The following PCDHGA11 variants were observed in gnomAD, a reference collection of about 807,000 sequenced individuals.
PCDHGA11 encodes the protein protocadherin gamma subfamily A, 11.
A neutral mutation model predicts 60.4 loss-of-function variants in PCDHGA11; 39 were observed. That is an observed-to-expected ratio of 0.65 (90% CI 0.50 to 0.84). The LOEUF (loss-of-function observed/expected upper bound fraction) is 0.84. Ranked by LOEUF, PCDHGA11 falls within the 40% of genes least tolerant of loss-of-function variation. The probability of loss-of-function intolerance (pLI) is 0.00; values close to 1 mark genes in which losing one functional copy is unlikely to be tolerated. For missense variants in PCDHGA11, 1,165 were observed against 1,197.7 expected, an observed-to-expected ratio of 0.97 and a Z score of 0.40; for synonymous variants, 533 against 510.3, an observed-to-expected ratio of 1.04 and a Z score of -0.60.
intron 1 of PCDHGA11, among the ~76,000 whole-genome samples, chr5:141,458,368 A>C (rs934670055): frequency 3.9e-5 from 6 of 152,112 alleles, no homozygotes; most frequent in Admixed American, 3.9e-4. Flanking sequence ...GAAGGAAGGG[A>C]GAAGAGAGAA....
intron 1 of PCDHGA11, chr5:141,468,351 A>G (rs1030472813): frequency 6.7e-6 from 1 of 149,192 alleles, no homozygotes; most frequent in Non-Finnish European, 1.5e-5. Context: ...AAAAAAAAAG[A>G]AAGAAAAAAG....
At chr5:141,448,150 C>T (rs1182411283) in intron 1 of PCDHGA11, among the ~76,000 whole-genome samples, 4 of 151,924 alleles carry the variant, frequency 2.6e-5, no homozygotes, top group Non-Finnish European at 5.9e-5. Flanking sequence ...CTCAGACTCA[C>T]CCCTGAAAGA....
chr5:141,459,557 A>G (rs1052669136), intron 1 of PCDHGA11, among the ~76,000 whole-genome samples: 1 of 152,224 alleles, frequency 6.6e-6, no homozygotes, highest in East Asian at 1.9e-4. Context: ...TCTTGGATAA[A>G]TACCCCAAAA....
chr5:141,433,397 A>ATCTG (rs1179042498), intron 1 of PCDHGA11, among the ~76,000 whole-genome samples: 9 of 150,410 alleles, frequency 6.0e-5, no homozygotes, highest in Non-Finnish European at 1.0e-4. Context: ...CTATCTATCT[A>ATCTG]TCTATCTATT....
intron 1 of PCDHGA11, among the ~76,000 whole-genome samples, chr5:141,472,555 A>T (rs1360460094): frequency 6.6e-6 from 1 of 152,024 alleles, no homozygotes; most frequent in South Asian, 2.1e-4. Flanking sequence ...AAAAAAAATT[A>T]TATTATAAAT....
intron 3 of PCDHGA11, among the ~76,000 whole-genome samples, chr5:141,510,424 C>T (rs2154594619): frequency 6.6e-6 from 1 of 152,236 alleles, no homozygotes; most frequent in South Asian, 2.1e-4. Flanking sequence ...GCCATGGTTT[C>T]ATGGCTGCTG....
Position 141,490,983 on chromosome 5 carries a change from C to T in PCDHGA11, c.2434-3824C>T. ...ACTCAGCCCCCCAGCGTCTCCCTCG[C>T]TCTGCTCCTCCTGGCTCCTTGGTCA... On this transcript the variant is annotated intron_variant, in intron 1 of 3. Transcript: ENST00000398587. The surrounding 1 kb of genome is among the most constrained non-coding windows in gnomAD (Gnocchi z 5.4). 2 of 1,614,120 alleles carry T rather than the reference C, an allele frequency of 1.2e-6. No individual in the cohort carries two copies. Among genetic ancestry groups the T allele is most frequent in the South Asian group, 2.2e-5 (2 of 91,082 alleles).
rs560544401 is a variant in PCDHGA11 at position 141,422,724 on chromosome 5, G to T, written c.1497G>T (p.Gly499=). Residue 499 remains glycine, a synonymous_variant, in exon 1 of 4, where the codon GGG becomes GGT. Coordinates refer to ENST00000398587, the MANE Select transcript of PCDHGA11 (RefSeq NM_018914.3). ...TYSLTDDTVQ[G]VPLSSYVSIN... is the part of the protein sequence containing the mutation. The stretch of plus-strand genomic sequence containing the variant: ...CTCTGACGGATGACACTGTCCAGGG[G>T]GTGCCTCTGTCCTCCTATGTCTCTA... The T allele has an allele frequency of 1.9e-6, 3 of 1,606,016 alleles. No homozygotes were observed. The highest frequency in any genetic ancestry group is 3.3e-5 in the Admixed American group (2 of 59,768).
At chr5:141,448,058 C>G (rs2098560499) in intron 1 of PCDHGA11, among the ~76,000 whole-genome samples, 2 of 151,936 alleles carry the variant, frequency 1.3e-5, no homozygotes, top group Non-Finnish European at 2.9e-5. Flanking sequence ...TGCTCTCCAG[C>G]CTGGGCAACA....
Position 141,476,556 on chromosome 5 carries a change from C to A in PCDHGA11, c.2434-18251C>A. 1 of 1,614,234 alleles carries A rather than the reference C, an allele frequency of 6.2e-7. No homozygotes were observed. Among genetic ancestry groups the A allele is most frequent in the Non-Finnish European group, 8.5e-7 (1 of 1,180,036 alleles). ...GAAATGAAATTGGAGATTAGCGAGG[C>A]CGTGGCTCCGGGGACGCGCTTTCCG... On this transcript the variant is annotated intron_variant, in intron 1 of 3. Coordinates refer to ENST00000398587, the MANE Select transcript of PCDHGA11 (RefSeq NM_018914.3). The surrounding 1 kb of genome is among the most constrained non-coding windows in gnomAD (Gnocchi z 7.6).
chr5:141,431,473 C>T lies in PCDHGA11; in HGVS notation c.2433+7813C>T, dbSNP rs750300971. ...TGATGGTTCTGGATGCGAACGACAA[C>T]GCACCAGCGTTTGCTCAGCCCGAGT... On this transcript the variant is annotated intron_variant, in intron 1 of 3. Coordinates refer to ENST00000398587, the MANE Select transcript of PCDHGA11 (RefSeq NM_018914.3). This position sits in a 1 kb window ranked among gnomAD's most constrained non-coding sequence, Gnocchi z 4.8. 4.3e-6 allele frequency: 7 copies of T among 1,613,832 alleles called. No individual in the cohort carries two copies. The Admixed American group carries it at 1.2e-4, about 27-fold the overall frequency.
Position 141,489,690 on chromosome 5 carries a change from A to T in PCDHGA11, c.2434-5117A>T. The T allele has an allele frequency of 6.2e-7, 1 of 1,614,198 alleles. No individual in the cohort carries two copies. The highest frequency in any genetic ancestry group is 8.5e-7 in the Non-Finnish European group (1 of 1,180,024). ...TCTCAGAATCAGCAGCATCTGGGGC[A>T]CGATTCCCACTGGACAGTGCCCAGG... On this transcript the variant is annotated intron_variant, in intron 1 of 3. Coordinates refer to ENST00000398587, the MANE Select transcript of PCDHGA11 (RefSeq NM_018914.3). The surrounding 1 kb of genome is among the most constrained non-coding windows in gnomAD (Gnocchi z 4.5).
chr5:141,475,977 A>C, intron 1 of PCDHGA11: 1 of 972,828 alleles, frequency 1.0e-6, no homozygotes, highest in Non-Finnish European at 1.5e-6. Flanking sequence ...GAGACTGAAC[A>C]GCCGGCGAGC....
At position 141,491,070 on chromosome 5, in the gene PCDHGA11, G is replaced by T. The variant is rs1405880268; in HGVS notation, c.2434-3737G>T. On this transcript the variant is annotated intron_variant, in intron 1 of 3. Transcript: ENST00000398587. The surrounding 1 kb of genome is among the most constrained non-coding windows in gnomAD (Gnocchi z 6.9). ...ATGCGTGGCTCTCCTACTCACTGTTGCCACAGTCCACAGCCCCAGGACTGT... is the reference window on the plus strand; with the variant it reads ...ATGCGTGGCTCTCCTACTCACTGTTTCCACAGTCCACAGCCCCAGGACTGT... 6.2e-7 allele frequency: 1 copy of T among 1,614,162 alleles called. No homozygotes were observed. Among genetic ancestry groups the T allele is most frequent in the Non-Finnish European group, 8.5e-7 (1 of 1,180,038 alleles).
Position 141,438,902 on chromosome 5 carries a change from G to A in PCDHGA11, c.2433+15242G>A, listed in dbSNP as rs185216039. 2.0e-5 allele frequency among the ~76,000 whole-genome samples: 3 copies of A among 151,906 alleles called. No homozygotes were observed. The East Asian group carries it at 5.8e-4, about 29-fold the overall frequency. On this transcript the variant is annotated intron_variant, in intron 1 of 3. Coordinates refer to ENST00000398587, the MANE Select transcript of PCDHGA11 (RefSeq NM_018914.3). ...GCTGCTCTTGAACTCCTGACCTCAGGTGATCCACCTGCCTTGGCCTCCCAA... is the reference window on the plus strand; with the variant it reads ...GCTGCTCTTGAACTCCTGACCTCAGATGATCCACCTGCCTTGGCCTCCCAA...
chr5:141,443,251 C>T (rs200319609), intron 1 of PCDHGA11, among the ~76,000 whole-genome samples: 7 of 150,782 alleles, frequency 4.6e-5, no homozygotes, highest in East Asian at 3.9e-4. Flanking sequence ...GGCGCCAAGG[C>T]GGGTGGATCA....
chr5:141,427,149 A>G (rs1303323489), intron 1 of PCDHGA11: 1 of 456,850 alleles, frequency 2.2e-6, no homozygotes, highest in Non-Finnish European at 4.4e-6. Context: ...TATTGGAAAT[A>G]TGTTTGTGCT....
intron 1 of PCDHGA11, among the ~76,000 whole-genome samples, chr5:141,482,843 G>A (rs1005014887): frequency 7.1e-6 from 1 of 140,154 alleles, no homozygotes; most frequent in Non-Finnish European, 1.5e-5. Flanking sequence ...AGGCCAAGGT[G>A]GGCAGATCAC....
intron 1 of PCDHGA11, among the ~76,000 whole-genome samples, chr5:141,447,135 G>GT (rs905717632): frequency 9.9e-5 from 15 of 151,698 alleles, no homozygotes; most frequent in African/African-American, 3.4e-4. Flanking sequence ...TTGTTTGTTT[G>GT]TTTTTTGTTT....
Sources: allele counts gnomAD v4.1 joint callset (sites outside exome capture counted in the v4.1 genomes callset), GRCh38; gene constraint gnomAD v4.1.1; non-coding constraint Gnocchi (gnomAD v3.1); transcripts MANE v1.5; gene names NCBI Gene and HGNC (gene_info 2026-07-23, HGNC 2026-07-21).